TRAK1: variants seen among roughly 807,000 people sequenced by gnomAD.
TRAK1 encodes the protein trafficking kinesin-binding protein 1.
In TRAK1, 33 loss-of-function variants were observed where a neutral mutation model predicts 92.1. The observed-to-expected ratio is 0.36, with a 90% CI of 0.27 to 0.48. The LOEUF is 0.48. TRAK1 is among the 20% of genes least tolerant of loss of function. TRAK1 has a pLI of 0.99. For synonymous variants in TRAK1, 521 were observed against 517.3 expected (o/e 1.01, Z -0.10); for missense variants, 1,123 against 1,257.9 (o/e 0.89, Z 1.62).
At chr3:42,212,907 G>A (rs967539217) in intron 14 of TRAK1, among the ~76,000 whole-genome samples, 3 of 152,122 alleles carry the variant, frequency 2.0e-5, no homozygotes, top group African/African-American at 7.2e-5. Context: ...AGAGAAAATT[G>A]ACAGTCAGTT....
At chr3:42,187,658 G>C (rs1219323502) in intron 4 of TRAK1, among the ~76,000 whole-genome samples, 3 of 151,922 alleles carry the variant, frequency 2.0e-5, no homozygotes, top group Non-Finnish European at 4.4e-5. Flanking sequence ...GTAGAGACGG[G>C]GTTTCACCAT....
intron 2 of TRAK1, chr3:42,149,218 C>T (rs964335257): frequency 1.8e-5 from 21 of 1,174,202 alleles, no homozygotes; most frequent in Middle Eastern, 3.5e-4. Context: ...CTGGATAGGA[C>T]GATCCTGGCT....
rs772244268 is a variant in TRAK1, at chr3:42,061,624, C to G, written c.-518-25480C>G. Among the ~76,000 whole-genome samples the G allele has an allele frequency of 2.8e-4, 42 of 152,062 alleles. 1 individual carries two copies. The highest frequency in any genetic ancestry group is 2.8e-3 in the Admixed American group (42 of 15,258). ...GAGACACTTAATATAGAAATCCCAGCCATCATGTGAGAATTCCATTCCGTG... is the reference window on the plus strand; with the variant it reads ...GAGACACTTAATATAGAAATCCCAGGCATCATGTGAGAATTCCATTCCGTG... On this transcript the variant is annotated intron_variant, in intron 1 of 16. Coordinates refer to the TRAK1 transcript ENST00000487159.
At chr3:42,161,277 A>G (rs1701243706) in intron 2 of TRAK1, among the ~76,000 whole-genome samples, 1 of 152,242 alleles carries the variant, frequency 6.6e-6, no homozygotes, top group Non-Finnish European at 1.5e-5. Context: ...ATGTTTAAAC[A>G]ATGACTAATG....
At chr3:42,101,975 A>G (rs1195090564) in intron 1 of TRAK1, among the ~76,000 whole-genome samples, 6 of 152,076 alleles carry the variant, frequency 3.9e-5, no homozygotes, top group Admixed American at 1.3e-4. Flanking sequence ...TTAAGTATGA[A>G]ATATCACGTA....
Position 42,160,442 on chromosome 3 carries a change from G to A in TRAK1, c.287-16372G>A, listed in dbSNP as rs117757392. On this transcript the variant is annotated intron_variant, in intron 2 of 15. Coordinates refer to ENST00000327628, the MANE Select transcript of TRAK1 (RefSeq NM_001042646.3). ...ATGAAGAGAGGAAGCCAACCCACAG[G>A]CAGCATGACACCCAGGACCTCTTGG... 391 of 1,614,200 alleles carry A rather than the reference G, an allele frequency of 2.4e-4. 3 individuals are homozygous for A. The East Asian group carries it at 8.4e-3, about 35-fold the overall frequency.
chr3:42,195,241 A>G (rs1243994431), intron 10 of TRAK1, among the ~76,000 whole-genome samples: 1 of 152,214 alleles, frequency 6.6e-6, no homozygotes, highest in Admixed American at 6.5e-5. Context: ...TCTGACTCAT[A>G]CAGGTTGAGC....
intron 2 of TRAK1, among the ~76,000 whole-genome samples, chr3:42,163,408 A>T (rs1701494191): frequency 1.3e-5 from 2 of 151,964 alleles, no homozygotes; most frequent in Non-Finnish European, 2.9e-5. Context: ...GTCTCTACTA[A>T]AAATGCAAAA....
At chr3:42,104,879 A>G (rs1294257081) in intron 1 of TRAK1, among the ~76,000 whole-genome samples, 1 of 152,104 alleles carries the variant, frequency 6.6e-6, no homozygotes, top group African/African-American at 2.4e-5. Context: ...AGGGCTTCAG[A>G]CGATCGGTAA....
At chr3:42,117,261 A>G (rs1164818218) in intron 1 of TRAK1, among the ~76,000 whole-genome samples, 3 of 152,194 alleles carry the variant, frequency 2.0e-5, no homozygotes, top group Non-Finnish European at 4.4e-5. Context: ...GTGATTTGCC[A>G]GAGTGATAGG....
intron 1 of TRAK1, among the ~76,000 whole-genome samples, chr3:42,095,455 G>A (rs183034099): frequency 6.6e-4 from 101 of 152,168 alleles, no homozygotes; most frequent in African/African-American, 2.4e-3. Flanking sequence ...ACACATGCAC[G>A]TGGTAAAACT....
At chr3:42,140,892 G>T (rs917515489) in intron 2 of TRAK1, among the ~76,000 whole-genome samples, 3 of 152,210 alleles carry the variant, frequency 2.0e-5, no homozygotes, top group East Asian at 1.9e-4. Context: ...GGTTCCAGAG[G>T]GGGGTTGGGA....
intron 1 of TRAK1, among the ~76,000 whole-genome samples, chr3:42,104,486 G>A (rs184268765): frequency 3.0e-4 from 46 of 152,166 alleles, no homozygotes; most frequent in East Asian, 5.8e-4. Flanking sequence ...GGTGCCCCTC[G>A]GAGATGAAGC....
chr3:42,179,245 G>A (rs1703658617), intron 3 of TRAK1, among the ~76,000 whole-genome samples: 1 of 152,216 alleles, frequency 6.6e-6, no homozygotes, highest in African/African-American at 2.4e-5. Flanking sequence ...TTGGAACTAG[G>A]AGGGTGTCCT....
intron 1 of TRAK1, among the ~76,000 whole-genome samples, chr3:42,109,053 G>A (rs1229932254): frequency 6.6e-6 from 1 of 152,144 alleles, no homozygotes; most frequent in African/African-American, 2.4e-5. Context: ...TCCGAGTTCA[G>A]GCTCTGTTAG....
intron 1 of TRAK1, among the ~76,000 whole-genome samples, chr3:42,069,333 A>G (rs28550820): frequency 9.8e-6 from 1 of 102,098 alleles, no homozygotes; most frequent in Non-Finnish European, 2.3e-5. Flanking sequence ...AAAAAAAAAG[A>G]AAAAAGAAAA....
intron 5 of TRAK1, 115 bp from the exon 6 acceptor site, chr3:42,188,901 G>C (rs952867883): frequency 8.5e-6 from 6 of 704,034 alleles, no homozygotes; most frequent in Non-Finnish European, 1.5e-5. Flanking sequence ...GGTTGGGAGA[G>C]CCGTCTGGTG....
intron 1 of TRAK1, chr3:42,051,800 G>C (rs1310924366): frequency 1.3e-5 from 2 of 152,276 alleles, no homozygotes; most frequent in African/African-American, 2.4e-5. Flanking sequence ...GGGAGACTGA[G>C]AGACCTTTAT....
intron 1 of TRAK1, among the ~76,000 whole-genome samples, chr3:42,027,379 C>T (rs1241362721): frequency 6.6e-6 from 1 of 151,940 alleles, no homozygotes; most frequent in East Asian, 1.9e-4. Flanking sequence ...AAAAATTAGC[C>T]AGGTGTGGTG....
Sources: allele counts gnomAD v4.1 joint callset (sites outside exome capture counted in the v4.1 genomes callset), GRCh38; gene constraint gnomAD v4.1.1; transcripts MANE v1.5; gene names NCBI Gene and HGNC (gene_info 2026-07-23, HGNC 2026-07-21).